The following ANKDD1A variants were observed in gnomAD, a reference collection of about 807,000 sequenced individuals.
ANKDD1A encodes the protein ankyrin repeat and death domain containing 1A.
ANKDD1A carries 59 observed loss-of-function variants against 63.5 expected under a neutral mutation model. That is an observed-to-expected ratio of 0.93 (90% CI 0.75 to 1.15). ANKDD1A has a LOEUF of 1.15. Among genes scored for constraint, ANKDD1A ranks in the 50% most tolerant of loss-of-function variants. ANKDD1A has a pLI of 0.00. For missense variants in ANKDD1A, 632 were observed against 656.4 expected (o/e 0.96, Z 0.41); for synonymous variants, 266 against 263.9 (o/e 1.01, Z -0.08).
At chr15:64,952,509 C>CT (rs2085310219) in intron 14 of ANKDD1A, among the ~76,000 whole-genome samples, 1 of 37,432 alleles carries the variant, frequency 2.7e-5, no homozygotes, top group African/African-American at 9.6e-5. Context: ...TCTCCTTCTT[C>CT]TTACTTTCTT....
chr15:64,954,633 TTTCTTCTTCC>T (rs150303651), intron 14 of ANKDD1A, among the ~76,000 whole-genome samples: 44,690 of 142,596 alleles, frequency 0.31, 8,062 homozygotes, highest in South Asian at 0.46. Flanking sequence ...TCTTCTTCCT[TTTCTTCTTCC>T]TTCTTCTTCT....
In ANKDD1A at chr15:64,953,482, C is replaced by CCTCCTCT. The variant is rs2085341654; in HGVS notation, c.1483+3510_1483+3511insCTCCTCT. Among the ~76,000 whole-genome samples the CCTCCTCT allele has an allele frequency of 5.8e-5, 5 of 85,860 alleles. No homozygotes were observed. The Admixed American group carries it at 7.5e-4, about 13-fold the overall frequency. The allele number at this position is 85,860 out of a possible 152,430, so 56.3% of individuals were successfully genotyped here. ...CTCCTTCTTCTTCTTCCTCTTCCTT[C>CCTCCTCT]TCCTTCTTCTTTAGTTCTTCCTCCT... On this transcript the variant is annotated intron_variant, in intron 14 of 14. Coordinates refer to ENST00000319580, the MANE Select transcript of ANKDD1A (RefSeq NM_182703.6).
At chr15:64,920,811 A>G (rs931703892) in intron 3 of ANKDD1A, among the ~76,000 whole-genome samples, 1 of 149,972 alleles carries the variant, frequency 6.7e-6, no homozygotes, top group Non-Finnish European at 1.5e-5. Flanking sequence ...GTCCCTCCCA[A>G]AGTGTTGAGA....
intron 5 of ANKDD1A, 56 bp from the exon 6 acceptor site, chr15:64,926,845 C>A: frequency 6.3e-7 from 1 of 1,577,966 alleles, no homozygotes; most frequent in Non-Finnish European, 8.7e-7. Context: ...TGGGCAGAGG[C>A]AGGTATGCCC....
chr15:64,930,157 T>C (rs2085077618), intron 6 of ANKDD1A, among the ~76,000 whole-genome samples: 1 of 151,796 alleles, frequency 6.6e-6, no homozygotes, highest in Non-Finnish European at 1.5e-5. Context: ...GCTTAATACC[T>C]AGGTGACGGG....
At chr15:64,934,705 C>T (rs2085115265) in intron 9 of ANKDD1A, among the ~76,000 whole-genome samples, 1 of 138,276 alleles carries the variant, frequency 7.2e-6, no homozygotes, top group Non-Finnish European at 1.5e-5. Flanking sequence ...TAGAAAAATA[C>T]TGGGGTTTCA....
chr15:64,923,075 T>C lies in ANKDD1A; in HGVS notation c.366+1056T>C, dbSNP rs188091220. 2.0e-3 allele frequency among the ~76,000 whole-genome samples: 300 copies of C among 152,290 alleles called. 2 individuals are homozygous for C. Among genetic ancestry groups the C allele is most frequent in the Non-Finnish European group, 2.5e-4 (17 of 68,028 alleles). ...CATAACTTAATTTCAATATAATTGG[T>C]TTCCTTTTATGGTAGGCAGAATAAT... On this transcript the variant is annotated intron_variant, in intron 4 of 14. Coordinates refer to ENST00000319580, the MANE Select transcript of ANKDD1A (RefSeq NM_182703.6).
At position 64,930,902 on chromosome 15, in the gene ANKDD1A, C is replaced by T. The variant is rs1213008297; in HGVS notation, c.651C>T (p.Asp217=). 1 of 1,612,150 alleles carries T rather than the reference C, an allele frequency of 6.2e-7. No homozygotes were observed. The highest frequency in any genetic ancestry group is 8.5e-7 in the Non-Finnish European group (1 of 1,179,986). ...VLQRLVDIGL[D]LEEQNAEGLT... ...AGCGACTTGTGGACATCGGGCTGGA[C>T]CTGGAGGAGCAGAATGCGGTGAGTC... The change falls in exon 7 of 15, where the codon GAC becomes GAT. Residue 217 remains aspartate, a synonymous_variant. Coordinates refer to ENST00000319580, the MANE Select transcript of ANKDD1A (RefSeq NM_182703.6).
intron 14 of ANKDD1A, chr15:64,951,325 T>A: frequency 1.4e-6 from 1 of 705,028 alleles, no homozygotes; most frequent in Non-Finnish European, 1.6e-6. Context: ...TCTTTCTTCT[T>A]TCCTCTTTTT....
intron 14 of ANKDD1A, among the ~76,000 whole-genome samples, chr15:64,955,602 A>G (rs1191756930): frequency 2.6e-5 from 4 of 152,180 alleles, no homozygotes; most frequent in Non-Finnish European, 5.9e-5. Context: ...TGCAGGATAG[A>G]AATCCTGCCC....
chr15:64,914,777 T>C (rs1221378604), intron 1 of ANKDD1A, among the ~76,000 whole-genome samples: 1 of 151,684 alleles, frequency 6.6e-6, no homozygotes, highest in Non-Finnish European at 1.5e-5. Flanking sequence ...CCGGTGGGGA[T>C]CATCTGGACC....
chr15:64,941,950 G>A (rs2085187848), intron 9 of ANKDD1A, among the ~76,000 whole-genome samples: 1 of 152,156 alleles, frequency 6.6e-6, no homozygotes, highest in Non-Finnish European at 1.5e-5. Flanking sequence ...TGGGGACGTG[G>A]TGGGAGTAGA....
In ANKDD1A at chr15:64,931,511, G is replaced by A; in HGVS notation, c.694G>A (p.Ala232Thr). ...GGAAGGTCTGACTGCCCTGCATTCGGCTGCTGGAGGATCCCACCCTGACTG... is the reference window on the plus strand; with the variant it reads ...GGAAGGTCTGACTGCCCTGCATTCGACTGCTGGAGGATCCCACCCTGACTG... Reference protein sequence around the residue: ...NAEGLTALHSAAGGSHPDCVQ... With the variant: ...NAEGLTALHSTAGGSHPDCVQ... The change falls in exon 8 of 15, where the codon GCT becomes ACT. Residue 232 changes from alanine to threonine, a missense_variant. Physicochemically the swap from Ala to Thr is moderately conservative, Grantham distance 58. Coordinates refer to ENST00000319580, the MANE Select transcript of ANKDD1A (RefSeq NM_182703.6). The A allele has an allele frequency of 6.2e-7, 1 of 1,613,998 alleles. No homozygotes were observed. Among genetic ancestry groups the A allele is most frequent in the Non-Finnish European group, 8.5e-7 (1 of 1,179,988 alleles).
chr15:64,921,879 C>T (rs1283488886), intron 3 of ANKDD1A, 42 bp from the exon 4 acceptor site: 1 of 1,587,308 alleles, frequency 6.3e-7, no homozygotes, highest in Non-Finnish European at 8.6e-7. Context: ...ACAGCCACGC[C>T]TTCCCACATT....
chr15:64,937,688 A>G (rs767826087), intron 9 of ANKDD1A, among the ~76,000 whole-genome samples: 2 of 152,186 alleles, frequency 1.3e-5, no homozygotes, highest in African/African-American at 4.8e-5. Flanking sequence ...AGATTGTGCC[A>G]CTGTACTCCA....
intron 14 of ANKDD1A, among the ~76,000 whole-genome samples, chr15:64,954,459 TCTTCTCCTTCTTCCTCTTTTTCTTCTTC>T (rs1395804041): frequency 2.7e-4 from 33 of 122,650 alleles, no homozygotes; most frequent in African/African-American, 9.7e-4. Flanking sequence ...TCTTCTTCCC[TCTTCTCCTTCTTCCTCTTTTTCTTCTTC>T]CTTCTCCTTC....
intron 9 of ANKDD1A, among the ~76,000 whole-genome samples, chr15:64,934,991 G>A (rs115072033): frequency 0.027 from 4,121 of 152,004 alleles, 168 homozygotes; most frequent in African/African-American, 0.093. Context: ...ATGGGAGGCC[G>A]AGGCTGGAGT....
chr15:64,951,851 T>A (rs1468343170), intron 14 of ANKDD1A, among the ~76,000 whole-genome samples: 3 of 27,918 alleles, frequency 1.1e-4, no homozygotes, highest in Admixed American at 7.6e-4. Context: ...TTTCTTCTTC[T>A]TTCTTCTTCC....
chr15:64,952,651 CCTTCTT>C lies in ANKDD1A; in HGVS notation c.1483+2684_1483+2689del, dbSNP rs538890979. Reference sequence around the variant, plus strand: ...GTCTTTTCTTTCTTCTTCTCCTTCTCCTTCTTCTTCCCCTTCTTCCTTCTTCTTCTT... The same window carrying C: ...GTCTTTTCTTTCTTCTTCTCCTTCTCCTTCCCCTTCTTCCTTCTTCTTCTT... On this transcript the variant is annotated intron_variant, in intron 14 of 14. Coordinates refer to ENST00000319580, the MANE Select transcript of ANKDD1A (RefSeq NM_182703.6). Among the ~76,000 whole-genome samples the C allele has an allele frequency of 3.5e-3, 25 of 7,048 alleles. 1 individual carries two copies. The highest frequency in any genetic ancestry group is 5.2e-3 in the African/African-American group (25 of 4,852). The allele number at this position is 7,048 out of a possible 152,430, so 4.6% of individuals were successfully genotyped here.
Sources: gnomAD v4.1 joint callset for allele counts (sites outside exome capture counted in the v4.1 genomes callset) on GRCh38, gnomAD v4.1.1 for gene constraint, MANE v1.5 for transcripts, NCBI Gene and HGNC (gene_info 2026-07-23, HGNC 2026-07-21) for gene names.